DAB1: variants seen among roughly 807,000 people sequenced by gnomAD.
DAB1 encodes DAB adaptor protein 1.
DAB1 carries 15 observed loss-of-function variants against 64.6 expected under a neutral mutation model. The ratio of observed to expected loss-of-function variants is 0.23; its 90% CI spans 0.16 to 0.36. The LOEUF is 0.36. Among genes scored for constraint, DAB1 ranks in the 10% least tolerant of loss-of-function variants. The probability of loss-of-function intolerance (pLI) is 1.00; values close to 1 mark genes in which losing one functional copy is unlikely to be tolerated. For missense variants in DAB1, 596 were observed against 706.7 expected (o/e 0.84, Z 1.78); for synonymous variants, 235 against 251.9 (o/e 0.93, Z 0.64).
chr1:58,544,256 G>C (rs536746774), intron 1 of DAB1, among the ~76,000 whole-genome samples: 20 of 152,184 alleles, frequency 1.3e-4, no homozygotes, highest in African/African-American at 4.6e-4. Context: ...CCTCTGAACT[G>C]TATTATTATT....
chr1:57,678,911 C>T (rs534699454), intron 6 of DAB1, among the ~76,000 whole-genome samples: 2 of 146,958 alleles, frequency 1.4e-5, no homozygotes, highest in South Asian at 2.3e-4. Context: ...CGACTACAAG[C>T]GCCTGCCACC....
chr1:58,481,706 G>T (rs538561100), intron 3 of DAB1, among the ~76,000 whole-genome samples: 1 of 152,180 alleles, frequency 6.6e-6, no homozygotes, highest in Non-Finnish European at 1.5e-5. Context: ...ACATGTCATG[G>T]GAGGTAACTG....
chr1:57,931,265 G>C (rs1644948919), intron 5 of DAB1, among the ~76,000 whole-genome samples: 1 of 152,116 alleles, frequency 6.6e-6, no homozygotes, highest in Non-Finnish European at 1.5e-5. Flanking sequence ...ATATTTTGTT[G>C]AGGATTTTTA....
chr1:57,260,057 T>C (rs1394294777), intron 2 of DAB1, among the ~76,000 whole-genome samples: 1 of 152,174 alleles, frequency 6.6e-6, no homozygotes, highest in Admixed American at 6.5e-5. Flanking sequence ...AATTAAATCC[T>C]AGGCACATAG....
intron 4 of DAB1, among the ~76,000 whole-genome samples, chr1:58,295,259 T>C (rs779207733): frequency 2.0e-5 from 3 of 152,194 alleles, no homozygotes; most frequent in Non-Finnish European, 2.9e-5. Context: ...AGAAATTTGC[T>C]GAATTAATGA....
intron 7 of DAB1, among the ~76,000 whole-genome samples, chr1:57,498,351 G>A (rs1348370315): frequency 1.3e-5 from 2 of 152,138 alleles, no homozygotes; most frequent in Admixed American, 6.5e-5. Context: ...TGATGAGAAG[G>A]TGCCCATGGT....
intron 9 of DAB1, chr1:57,033,554 T>A: frequency 1.2e-6 from 2 of 1,612,722 alleles, no homozygotes; most frequent in Non-Finnish European, 1.7e-6. Flanking sequence ...TTCTTCAAAA[T>A]CCTCAAACGA....
At chr1:57,627,665 A>T (rs527587677) in intron 7 of DAB1, among the ~76,000 whole-genome samples, 3 of 152,342 alleles carry the variant, frequency 2.0e-5, no homozygotes, top group Non-Finnish European at 4.4e-5. Context: ...TTAATTGAAA[A>T]TTGAAAAGGA....
chr1:58,530,526 T>A (rs1369128440), intron 1 of DAB1: 1 of 745,696 alleles, frequency 1.3e-6, no homozygotes, highest in African/African-American at 1.7e-5. Context: ...CATCTCTGGA[T>A]TTGCTGCTTT....
At chr1:58,205,139 A>G (rs542196156) in intron 4 of DAB1, among the ~76,000 whole-genome samples, 1 of 152,330 alleles carries the variant, frequency 6.6e-6, no homozygotes, top group East Asian at 1.9e-4. Context: ...CCAGGTTCAC[A>G]GCTCTACAGC....
chr1:57,062,877 T>C lies in DAB1; in HGVS notation c.723+7A>G. On this transcript the variant is annotated splice_region_variant and intron_variant, in intron 9 of 14. Coordinates refer to ENST00000371236, the MANE Select transcript of DAB1 (RefSeq NM_001365792.1). ...GAAACCTGGCAGTGGAGAGGAGATG[T>C]ACTTACACTTACAGGTTGACTTTTT... 1 of 1,612,532 alleles carries C rather than the reference T, an allele frequency of 6.2e-7. No homozygotes were observed. The highest frequency in any genetic ancestry group is 1.1e-5 in the South Asian group (1 of 91,058).
chr1:57,155,045 T>C (rs1660075965), intron 2 of DAB1, among the ~76,000 whole-genome samples: 1 of 152,228 alleles, frequency 6.6e-6, no homozygotes, highest in Non-Finnish European at 1.5e-5. Flanking sequence ...CATTTGTACA[T>C]GGAAATTTTG....
At chr1:58,503,961 A>T (rs1451370455) in intron 3 of DAB1, among the ~76,000 whole-genome samples, 1 of 152,140 alleles carries the variant, frequency 6.6e-6, no homozygotes, top group Non-Finnish European at 1.5e-5. Flanking sequence ...ATATATCCAG[A>T]ATCTGACTGA....
exon 2 of DAB1, chr1:57,826,156 G>A (rs1428282794): frequency 1.3e-5 from 2 of 152,228 alleles, no homozygotes. Flanking sequence ...CTATCCGTAG[G>A]TTAGTGCCAA....
intron 7 of DAB1, among the ~76,000 whole-genome samples, chr1:57,463,381 C>G (rs763679189): frequency 1.3e-5 from 2 of 152,092 alleles, no homozygotes; most frequent in Non-Finnish European, 2.9e-5. Context: ...TTCTTGAAAT[C>G]ACAATATAAT....
intron 14 of DAB1, among the ~76,000 whole-genome samples, chr1:57,007,200 G>A (rs1646104288): frequency 6.6e-6 from 1 of 152,092 alleles, no homozygotes; most frequent in African/African-American, 2.4e-5. Context: ...ATTATTTATG[G>A]CAATATCTAT....
At chr1:57,481,834 A>T (rs913468442) in intron 7 of DAB1, among the ~76,000 whole-genome samples, 7 of 151,460 alleles carry the variant, frequency 4.6e-5, no homozygotes, top group African/African-American at 1.5e-4. Flanking sequence ...AAAAAAAGAG[A>T]TAATGTAGGA....
chr1:57,285,277 T>C (rs1672223722), intron 2 of DAB1, among the ~76,000 whole-genome samples: 1 of 152,112 alleles, frequency 6.6e-6, no homozygotes, highest in Non-Finnish European at 1.5e-5. Flanking sequence ...CTTTCTTTTT[T>C]TCTTTTTGAG....
At chr1:57,537,354 T>A (rs1008117038) in intron 7 of DAB1, among the ~76,000 whole-genome samples, 1 of 152,188 alleles carries the variant, frequency 6.6e-6, no homozygotes, top group Admixed American at 6.5e-5. Context: ...CTTCAGAGTC[T>A]ATTTTTGCGA....
Sources: gnomAD v4.1 joint callset for allele counts (sites outside exome capture counted in the v4.1 genomes callset) on GRCh38, gnomAD v4.1.1 for gene constraint, MANE v1.5 for transcripts, NCBI Gene and HGNC (gene_info 2026-07-23, HGNC 2026-07-21) for gene names.